Variants in GPM6A observed in about 807,000 individuals in gnomAD.
GPM6A encodes the protein neuronal membrane glycoprotein M6-a.
Under a neutral mutation model 32.1 loss-of-function variants are expected in GPM6A, and 7 were observed. The observed-to-expected ratio is 0.22, with a 90% CI of 0.12 to 0.41. The LOEUF is 0.41. GPM6A is among the 10% of genes least tolerant of loss of function. GPM6A has a pLI of 1.00. For missense variants in GPM6A, 235 were observed against 347.2 expected, an observed-to-expected ratio of 0.68 and a Z score of 2.57; for synonymous variants, 130 against 123.4, an observed-to-expected ratio of 1.05 and a Z score of -0.35.
At chr4:175,683,793 T>C (rs1743817568) in intron 2 of GPM6A, among the ~76,000 whole-genome samples, 1 of 152,008 alleles carries the variant, frequency 6.6e-6, no homozygotes, top group South Asian at 2.1e-4. Flanking sequence ...ACTTCTTCTA[T>C]AGTGTGCAGA....
intron 1 of GPM6A, chr4:175,807,296 C>G (rs1734733174): frequency 6.6e-6 from 1 of 152,106 alleles, no homozygotes; most frequent in South Asian, 2.1e-4. Flanking sequence ...AGACTGGTGT[C>G]AAAGTTGAAA....
chr4:175,897,670 G>A (rs1017215418), intron 1 of GPM6A, among the ~76,000 whole-genome samples: 1 of 152,110 alleles, frequency 6.6e-6, no homozygotes, highest in African/African-American at 2.4e-5. Flanking sequence ...AGATTAGGGA[G>A]GCATGCACTT....
rs558728309 is a variant in GPM6A, at chr4:175,674,658, A to G, written c.231-822T>C. Among the ~76,000 whole-genome samples the G allele has an allele frequency of 2.6e-5, 4 of 152,356 alleles. No homozygotes were observed. In the South Asian group the frequency reaches 8.3e-4, roughly 32 times the overall value. Reference sequence around the variant, plus strand: ...CAAATTCCATATTTTTACGTTACAGATAGTCAATTATAGTTGTATTCTATT... The same window carrying G: ...CAAATTCCATATTTTTACGTTACAGGTAGTCAATTATAGTTGTATTCTATT... On this transcript the variant is annotated intron_variant, in intron 2 of 6. Coordinates refer to ENST00000393658, the MANE Select transcript of GPM6A (RefSeq NM_201591.3).
intron 4 of GPM6A, among the ~76,000 whole-genome samples, chr4:175,644,867 G>C (rs1050913531): frequency 6.6e-6 from 1 of 152,110 alleles, no homozygotes; most frequent in African/African-American, 2.4e-5. Flanking sequence ...AGCACTTTAG[G>C]AGGATGAGGC....
intron 1 of GPM6A, among the ~76,000 whole-genome samples, chr4:175,896,698 T>C (rs550122777): frequency 2.0e-5 from 3 of 152,278 alleles, no homozygotes; most frequent in African/African-American, 7.2e-5. Context: ...CCACAGGCCC[T>C]GTCTATCTTC....
chr4:175,727,438 T>G (rs1731224693), intron 1 of GPM6A, among the ~76,000 whole-genome samples: 1 of 152,220 alleles, frequency 6.6e-6, no homozygotes, highest in Non-Finnish European at 1.5e-5. Context: ...AAATTCATCT[T>G]GTCTGTATTC....
chr4:175,723,039 C>T (rs886169164), intron 1 of GPM6A, among the ~76,000 whole-genome samples: 2 of 152,074 alleles, frequency 1.3e-5, no homozygotes, highest in Non-Finnish European at 2.9e-5. Flanking sequence ...ACAGAGACCC[C>T]GTCTAAAGTA....
At chr4:175,818,563 G>GAAA (rs1735181138) in intron 1 of GPM6A, among the ~76,000 whole-genome samples, 1 of 152,168 alleles carries the variant, frequency 6.6e-6, no homozygotes. Flanking sequence ...ACAAGCACAT[G>GAAA]GTAAGCTTTC....
intron 1 of GPM6A, among the ~76,000 whole-genome samples, chr4:175,758,219 A>G (rs940965529): frequency 6.6e-6 from 1 of 152,180 alleles, no homozygotes; most frequent in Non-Finnish European, 1.5e-5. Context: ...TTTAAAACAT[A>G]CAACACAGGG....
rs1306839612 is a variant in GPM6A at position 175,691,524 on chromosome 4, T to C, written c.230+10051A>G. ...TAATTCCACAAAGCTATGCTTACTATATACCACTTTGAAAACTTCCTTTTA... is the reference window on the plus strand; with the variant it reads ...TAATTCCACAAAGCTATGCTTACTACATACCACTTTGAAAACTTCCTTTTA... On this transcript the variant is annotated intron_variant, in intron 2 of 6. Transcript: ENST00000393658. Among the ~76,000 whole-genome samples, 3 of 152,240 alleles carry C rather than the reference T, an allele frequency of 2.0e-5. No individual in the cohort carries two copies. The East Asian group carries it at 5.8e-4, about 29-fold the overall frequency.
chr4:175,677,165 G>A (rs1045211566), intron 2 of GPM6A, among the ~76,000 whole-genome samples: 2 of 152,042 alleles, frequency 1.3e-5, no homozygotes, highest in African/African-American at 4.8e-5. Flanking sequence ...ATAGGAATAT[G>A]TTATTAAATA....
At chr4:175,782,522 C>G (rs975514072) in intron 1 of GPM6A, among the ~76,000 whole-genome samples, 25 of 152,072 alleles carry the variant, frequency 1.6e-4, no homozygotes, top group African/African-American at 5.8e-4. Flanking sequence ...GGAAATAATA[C>G]TTTGTTCATC....
intron 1 of GPM6A, among the ~76,000 whole-genome samples, chr4:175,705,536 G>A (rs961370512): frequency 6.6e-6 from 1 of 152,138 alleles, no homozygotes; most frequent in Non-Finnish European, 1.5e-5. Context: ...GGGAAGCAGC[G>A]CATTATTTCA....
At chr4:175,936,230 C>T (rs192176596) in intron 1 of GPM6A, among the ~76,000 whole-genome samples, 3,957 of 138,084 alleles carry the variant, frequency 0.029, 169 homozygotes, top group African/African-American at 0.1. Context: ...GGCGTAAACC[C>T]GGGAGGCAGA....
intron 1 of GPM6A, among the ~76,000 whole-genome samples, chr4:175,738,704 G>A (rs879768227): frequency 2.6e-5 from 4 of 151,960 alleles, no homozygotes; most frequent in Non-Finnish European, 4.4e-5. Flanking sequence ...TAAACAAAAG[G>A]CAAAGATAAT....
At chr4:175,803,900 G>C (rs536943960) in intron 1 of GPM6A, among the ~76,000 whole-genome samples, 1 of 152,114 alleles carries the variant, frequency 6.6e-6, no homozygotes, top group African/African-American at 2.4e-5. Flanking sequence ...AGGTTGAGCA[G>C]AGATTTAAAA....
chr4:175,931,505 G>A (rs546737574), intron 1 of GPM6A, among the ~76,000 whole-genome samples: 4 of 151,866 alleles, frequency 2.6e-5, no homozygotes, highest in African/African-American at 9.7e-5. Context: ...GAATCCAGGA[G>A]AAAACAAAAC....
intron 1 of GPM6A, among the ~76,000 whole-genome samples, chr4:175,824,938 A>G (rs1735387975): frequency 6.6e-6 from 1 of 152,238 alleles, no homozygotes; most frequent in African/African-American, 2.4e-5. Context: ...CTCAGTAAAC[A>G]AAAAGTAAAC....
At chr4:175,953,785 G>C (rs1002607830) in intron 1 of GPM6A, among the ~76,000 whole-genome samples, 1 of 152,146 alleles carries the variant, frequency 6.6e-6, no homozygotes, top group Non-Finnish European at 1.5e-5. Flanking sequence ...TGTAGTCCCA[G>C]CTACTTCGGA....
Sources: allele counts gnomAD v4.1 joint callset (sites outside exome capture counted in the v4.1 genomes callset), GRCh38; gene constraint gnomAD v4.1.1; transcripts MANE v1.5; gene names NCBI Gene and HGNC (gene_info 2026-07-23, HGNC 2026-07-21).